The following LRMDA variants were observed in gnomAD, a reference collection of about 807,000 sequenced individuals.
The protein encoded by LRMDA is leucine rich melanocyte differentiation associated, also known as leucine-rich melanocyte differentiation-associated protein.
Under a neutral mutation model 29.8 loss-of-function variants are expected in LRMDA, and 18 were observed. That is an observed-to-expected ratio of 0.60 (90% confidence interval 0.42 to 0.90). LRMDA has a LOEUF of 0.90. Ranked by LOEUF, LRMDA falls within the 40% of genes least tolerant of loss-of-function variation. The probability of loss-of-function intolerance (pLI) is 0.00; values close to 1 mark genes in which losing one functional copy is unlikely to be tolerated. For synonymous variants in LRMDA, 125 were observed against 109.4 expected, an observed-to-expected ratio of 1.14 and a Z score of -0.89; for missense variants, 273 against 273.9, an observed-to-expected ratio of 1.00 and a Z score of 0.02.
Position 76,029,892 on chromosome 10 carries a change from T to A in LRMDA, c.132-6116T>A, listed in dbSNP as rs182048566. Among the ~76,000 whole-genome samples, 163 of 152,226 alleles carry A rather than the reference T, an allele frequency of 1.1e-3. 1 individual carries two copies. The highest frequency in any genetic ancestry group is 3.7e-3 in the Admixed American group (57 of 15,298). ...ACCCCAAAGTCATGTAACCACTACT[T>A]CTTTTTTGTTGTTATTGTTTAGCAA... On this transcript the variant is annotated intron_variant, in intron 2 of 6. Transcript: ENST00000611255.
At chr10:75,440,930 G>A (rs907011349) in intron 2 of LRMDA, among the ~76,000 whole-genome samples, 8 of 152,090 alleles carry the variant, frequency 5.3e-5, no homozygotes, top group Non-Finnish European at 8.8e-5. Context: ...CCAGCCACTT[G>A]GGAGGCTGAG....
chr10:76,507,594 C>T (rs894385455), intron 6 of LRMDA, among the ~76,000 whole-genome samples: 1 of 151,974 alleles, frequency 6.6e-6, no homozygotes, highest in Admixed American at 6.6e-5. Context: ...AAAGTATTTC[C>T]TCATTGTTTT....
At chr10:76,325,061 T>G (rs574985103) in intron 6 of LRMDA, among the ~76,000 whole-genome samples, 1 of 152,346 alleles carries the variant, frequency 6.6e-6, no homozygotes, top group Middle Eastern at 3.4e-3. Flanking sequence ...GACAGAACAC[T>G]GACATGAAAT....
chr10:75,914,835 G>A (rs1213721326), intron 2 of LRMDA, among the ~76,000 whole-genome samples: 1 of 152,176 alleles, frequency 6.6e-6, no homozygotes, highest in Non-Finnish European at 1.5e-5. Context: ...GTAGACAGGT[G>A]TTATTTTAGA....
At chr10:75,621,220 ACACACC>A (rs1554816448) in intron 2 of LRMDA, among the ~76,000 whole-genome samples, 2 of 132,030 alleles carry the variant, frequency 1.5e-5, no homozygotes, top group African/African-American at 5.4e-5. Context: ...ACACACACAC[ACACACC>A]CACACACCCA....
At chr10:76,510,770 A>G (rs1843002698) in intron 6 of LRMDA, among the ~76,000 whole-genome samples, 1 of 152,176 alleles carries the variant, frequency 6.6e-6, no homozygotes, top group South Asian at 2.1e-4. Flanking sequence ...GTGATTGATC[A>G]TCTTGCCAGA....
At chr10:75,668,051 C>T (rs1248439352) in intron 2 of LRMDA, among the ~76,000 whole-genome samples, 1 of 152,230 alleles carries the variant, frequency 6.6e-6, no homozygotes, top group Non-Finnish European at 1.5e-5. Context: ...TCTGGGGCCT[C>T]TTCCATGGCC....
chr10:76,100,995 T>C (rs1849386321), intron 5 of LRMDA, among the ~76,000 whole-genome samples: 1 of 151,812 alleles, frequency 6.6e-6, no homozygotes, highest in Admixed American at 6.5e-5. Context: ...GCTGAATTCT[T>C]CACATCCAGG....
intron 2 of LRMDA, among the ~76,000 whole-genome samples, chr10:75,595,215 C>T (rs1840771362): frequency 6.6e-6 from 1 of 152,146 alleles, no homozygotes; most frequent in Non-Finnish European, 1.5e-5. Flanking sequence ...CACTTTTGGT[C>T]ATACAAATAA....
intron 5 of LRMDA, among the ~76,000 whole-genome samples, chr10:76,157,948 G>A (rs1393634640): frequency 1.3e-5 from 2 of 151,572 alleles, no homozygotes; most frequent in Non-Finnish European, 2.9e-5. Flanking sequence ...GTAGGCAGTT[G>A]TAACACAATG....
chr10:75,859,560 T>C (rs1034637886), intron 2 of LRMDA, among the ~76,000 whole-genome samples: 8 of 151,798 alleles, frequency 5.3e-5, no homozygotes, highest in African/African-American at 1.9e-4. Flanking sequence ...GCATGACTTT[T>C]AGTTATTGGT....
At chr10:76,248,222 T>C (rs1354959996) in intron 5 of LRMDA, among the ~76,000 whole-genome samples, 1 of 152,170 alleles carries the variant, frequency 6.6e-6, no homozygotes, top group Non-Finnish European at 1.5e-5. Context: ...GTAGTAGATA[T>C]AGGCTAGGGA....
intron 6 of LRMDA, among the ~76,000 whole-genome samples, chr10:76,352,177 T>G (rs1461213092): frequency 6.6e-6 from 1 of 152,186 alleles, no homozygotes; most frequent in Non-Finnish European, 1.5e-5. Context: ...AGGGGATGCA[T>G]TCAAGATCCC....
rs113655620 is a variant in LRMDA at position 75,672,515 on chromosome 10, CT to C, written c.131+234025del. Reference sequence around the variant, plus strand: ...TGCTAAGACACTTCCTTGTATTTTTCTTTTCTTTTCCTCCCCTCCCCTCCCC... The same window carrying C: ...TGCTAAGACACTTCCTTGTATTTTTCTTTCTTTTCCTCCCCTCCCCTCCCC... On this transcript the variant is annotated intron_variant, in intron 2 of 6. Transcript: ENST00000611255. Among the ~76,000 whole-genome samples, 301 of 37,686 alleles carry C rather than the reference CT, an allele frequency of 8.0e-3. 73 individuals are homozygous for C. The highest frequency in any genetic ancestry group is 0.042 in the East Asian group (24 of 568). The allele number at this position is 37,686 out of a possible 152,430, so 24.7% of individuals were successfully genotyped here. A position where few individuals can be genotyped will look rare whatever the true frequency, so the allele number is the denominator to read the frequency against.
chr10:75,645,827 C>A (rs1352789167), intron 2 of LRMDA, among the ~76,000 whole-genome samples: 3 of 152,044 alleles, frequency 2.0e-5, no homozygotes, highest in Non-Finnish European at 4.4e-5. Context: ...CCTTTCTTGC[C>A]AATACTGGTA....
At chr10:75,610,886 T>G (rs894830046) in intron 2 of LRMDA, among the ~76,000 whole-genome samples, 1 of 152,210 alleles carries the variant, frequency 6.6e-6, no homozygotes, top group Non-Finnish European at 1.5e-5. Context: ...AAATTCCAAA[T>G]GATGGGAGTC....
intron 6 of LRMDA, among the ~76,000 whole-genome samples, chr10:76,375,896 T>C (rs1841511146): frequency 6.6e-6 from 1 of 152,116 alleles, no homozygotes; most frequent in Non-Finnish European, 1.5e-5. Flanking sequence ...TTGTAATGGT[T>C]GAAAGCAGTT....
intron 5 of LRMDA, among the ~76,000 whole-genome samples, chr10:76,240,370 A>C (rs1852249443): frequency 6.8e-6 from 1 of 147,486 alleles, no homozygotes; most frequent in Admixed American, 6.7e-5. Context: ...TCACCACCTT[A>C]CTCCCGCAAG....
At chr10:75,466,939 T>C (rs969115227) in intron 2 of LRMDA, among the ~76,000 whole-genome samples, 17 of 151,946 alleles carry the variant, frequency 1.1e-4, no homozygotes, top group African/African-American at 3.9e-4. Context: ...GTTGGTGATT[T>C]AGCAGTTTTT....
Sources: gnomAD v4.1 joint callset for allele counts (sites outside exome capture counted in the v4.1 genomes callset) on GRCh38, gnomAD v4.1.1 for gene constraint, MANE v1.5 for transcripts, NCBI Gene and HGNC (gene_info 2026-07-23, HGNC 2026-07-21) for gene names.